The following ERBB4 variants were observed in gnomAD, a reference collection of about 807,000 sequenced individuals.
The protein encoded by ERBB4 is erb-b2 receptor tyrosine kinase 4.
In ERBB4, 42 loss-of-function variants were observed where a neutral mutation model predicts 158.0. The ratio of observed to expected loss-of-function variants is 0.27; its 90% CI spans 0.21 to 0.34. The LOEUF is 0.34. ERBB4 is among the 10% of genes least tolerant of loss of function. The pLI is 1.00. For missense variants in ERBB4, 1,333 were observed against 1,624.1 expected (o/e 0.82, Z 3.08); for synonymous variants, 583 against 558.7 (o/e 1.04, Z -0.61).
chr2:212,056,754 G>A (rs552102504), intron 2 of ERBB4, among the ~76,000 whole-genome samples: 2 of 152,272 alleles, frequency 1.3e-5, no homozygotes, highest in African/African-American at 4.8e-5. Context: ...CACTAGGCCT[G>A]CCCTACAGGA....
chr2:211,463,307 A>G (rs2064585651), intron 20 of ERBB4, among the ~76,000 whole-genome samples: 1 of 152,190 alleles, frequency 6.6e-6, no homozygotes, highest in Non-Finnish European at 1.5e-5. Context: ...ACAAATTGCA[A>G]AGCTACTCAC....
intron 1 of ERBB4, among the ~76,000 whole-genome samples, chr2:212,153,780 G>C (rs760226380): frequency 6.6e-6 from 1 of 152,062 alleles, no homozygotes; most frequent in African/African-American, 2.4e-5. Context: ...TCTAGTTCCA[G>C]TGAAGTTTCA....
In ERBB4 at chr2:211,673,163, C is replaced by G. The variant is rs754325520; in HGVS notation, c.1716+1G>C. 6.2e-7 allele frequency: 1 copy of G among 1,606,226 alleles called. No individual in the cohort carries two copies. The highest frequency in any genetic ancestry group is 2.2e-5 in the East Asian group (1 of 44,830). On this transcript the variant is annotated splice_donor_variant, in intron 14 of 27. Transcript: ENST00000342788. LOFTEE classifies it high-confidence loss of function. ...CACACCACAGATGTCTTCAGGCTTA[C>G]CGGTCCATGGCATGTGAGGAGGCCA...
chr2:212,271,703 A>T (rs2106120037), intron 1 of ERBB4, among the ~76,000 whole-genome samples: 1 of 151,910 alleles, frequency 6.6e-6, no homozygotes, highest in East Asian at 1.9e-4. Flanking sequence ...GACTTCTGAT[A>T]AAAGCCTGCT....
intron 2 of ERBB4, among the ~76,000 whole-genome samples, chr2:212,050,055 GA>G (rs926169670): frequency 2.6e-5 from 4 of 151,372 alleles, no homozygotes; most frequent in South Asian, 2.1e-4. Context: ...GTTACCTTTT[GA>G]AAAAAAATGG....
At chr2:212,423,962 T>C (rs2091852814) in intron 1 of ERBB4, among the ~76,000 whole-genome samples, 1 of 152,184 alleles carries the variant, frequency 6.6e-6, no homozygotes, top group Admixed American at 6.6e-5. Context: ...TAAATAACTT[T>C]TTGGAATTTT....
intron 1 of ERBB4, among the ~76,000 whole-genome samples, chr2:212,248,201 C>T (rs1348937166): frequency 6.6e-6 from 1 of 151,870 alleles, no homozygotes; most frequent in African/African-American, 2.4e-5. Flanking sequence ...GTGTTTAGTG[C>T]CTTCATAATC....
At chr2:211,921,819 G>A (rs1361119605) in intron 3 of ERBB4, among the ~76,000 whole-genome samples, 5 of 151,930 alleles carry the variant, frequency 3.3e-5, no homozygotes, top group Non-Finnish European at 7.4e-5. Context: ...TGGATAATCC[G>A]TTACCTTATT....
chr2:212,513,729 A>G lies in ERBB4; in HGVS notation c.82+24720T>C, dbSNP rs111766528. On this transcript the variant is annotated intron_variant, in intron 1 of 27. Transcript: ENST00000342788. Reference sequence around the variant, plus strand: ...CGGGAGGCTGAGGCAGGAGAATGGCATGAACCCAGGAGGCGGAGCTTGCAG... The same window carrying G: ...CGGGAGGCTGAGGCAGGAGAATGGCGTGAACCCAGGAGGCGGAGCTTGCAG... Among the ~76,000 whole-genome samples the G allele has an allele frequency of 3.1e-3, 475 of 152,230 alleles. 3 individuals are homozygous for G. The highest frequency in any genetic ancestry group is 0.01 in the African/African-American group (416 of 41,552).
At chr2:211,399,742 A>T (rs2062994409) in intron 25 of ERBB4, among the ~76,000 whole-genome samples, 1 of 152,216 alleles carries the variant, frequency 6.6e-6, no homozygotes, top group South Asian at 2.1e-4. Flanking sequence ...CTAGTATGAC[A>T]ACATTCCCCT....
chr2:211,991,169 C>T (rs2082066822), intron 2 of ERBB4, among the ~76,000 whole-genome samples: 1 of 151,962 alleles, frequency 6.6e-6, no homozygotes, highest in South Asian at 2.1e-4. Context: ...TTGAATGCCT[C>T]TGTTGTGTCT....
intron 2 of ERBB4, among the ~76,000 whole-genome samples, chr2:211,972,958 A>G (rs1575456627): frequency 6.6e-6 from 1 of 152,190 alleles, no homozygotes; most frequent in South Asian, 2.1e-4. Flanking sequence ...CTATCAACAG[A>G]GTAAACCTAC....
chr2:211,719,732 G>A (rs1428136441), intron 7 of ERBB4, among the ~76,000 whole-genome samples: 3 of 152,040 alleles, frequency 2.0e-5, no homozygotes, highest in African/African-American at 7.2e-5. Context: ...GCACGTGCCT[G>A]TAGTCCCAGC....
At chr2:211,909,138 C>A (rs541555996) in intron 3 of ERBB4, among the ~76,000 whole-genome samples, 12 of 151,678 alleles carry the variant, frequency 7.9e-5, no homozygotes, top group Admixed American at 6.6e-4. Context: ...TATTCAATGT[C>A]TTTATAGTGT....
At chr2:211,976,659 A>AAT (rs1164415350) in intron 2 of ERBB4, among the ~76,000 whole-genome samples, 2 of 152,018 alleles carry the variant, frequency 1.3e-5, no homozygotes, top group South Asian at 4.1e-4. Context: ...ATAACTATAA[A>AAT]ATATATATAT....
chr2:211,727,762 GATTA>G (rs1442119905), intron 5 of ERBB4, among the ~76,000 whole-genome samples: 3 of 151,764 alleles, frequency 2.0e-5, no homozygotes, highest in African/African-American at 4.8e-5. Context: ...CATTTGACAT[GATTA>G]ATTAATTATT....
intron 3 of ERBB4, among the ~76,000 whole-genome samples, chr2:211,865,032 A>G (rs2078169738): frequency 6.6e-6 from 1 of 152,028 alleles, no homozygotes; most frequent in Non-Finnish European, 1.5e-5. Flanking sequence ...ATAAATAAAT[A>G]AAAGATTGAC....
intron 1 of ERBB4, among the ~76,000 whole-genome samples, chr2:212,341,615 G>GTTTT (rs1295647950): frequency 5.6e-5 from 4 of 71,400 alleles, no homozygotes; most frequent in Non-Finnish European, 1.3e-4. Context: ...AGTATAGACT[G>GTTTT]TCTTTGACTA....
intron 2 of ERBB4, among the ~76,000 whole-genome samples, chr2:212,009,024 C>CA (rs897370897): frequency 7.7e-6 from 1 of 129,684 alleles, no homozygotes; most frequent in African/African-American, 2.8e-5. Context: ...ATGCTTACAG[C>CA]AAAAAATGTT....
Sources: allele counts gnomAD v4.1 joint callset (sites outside exome capture counted in the v4.1 genomes callset), GRCh38; gene constraint gnomAD v4.1.1; transcripts MANE v1.5; gene names NCBI Gene and HGNC (gene_info 2026-07-23, HGNC 2026-07-21).